NCKAP1: variants seen among roughly 807,000 people sequenced by gnomAD.
The protein encoded by NCKAP1 is NCK associated protein 1, also known as nck-associated protein 1.
Under a neutral mutation model 151.2 loss-of-function variants are expected in NCKAP1, and 21 were observed. The observed-to-expected ratio is 0.14, with a 90% CI of 0.10 to 0.20. NCKAP1 has a LOEUF of 0.20. Among genes scored for constraint, NCKAP1 ranks in the 10% least tolerant of loss-of-function variants. NCKAP1 has a pLI of 1.00. For synonymous variants in NCKAP1, 484 were observed against 451.8 expected (o/e 1.07, Z -0.90); for missense variants, 933 against 1,352.1 (o/e 0.69, Z 4.86).
intron 1 of NCKAP1, among the ~76,000 whole-genome samples, chr2:183,036,819 GAA>G (rs34581087): frequency 7.2e-6 from 1 of 138,402 alleles, no homozygotes. Flanking sequence ...AATTTCCAAA[GAA>G]AAAAAAAAAA....
At chr2:183,010,738 G>A (rs7584932) in intron 2 of NCKAP1, among the ~76,000 whole-genome samples, 8,789 of 152,178 alleles carry the variant, frequency 0.058, 858 homozygotes, top group African/African-American at 0.2. Context: ...ATTATATACC[G>A]TGGTATAGTG....
chr2:182,911,607 C>T lies in NCKAP1; in HGVS notation c.*14095G>A, dbSNP rs1696396328. On this transcript the variant is annotated 3_prime_UTR_variant, in exon 31 of 31. Transcript: ENST00000361354. Reference sequence around the variant, plus strand: ...ATTTCAGTCATCTATGAATGGCCATCATAATGATTTGAAACTAGCAAAGTT... The same window carrying T: ...ATTTCAGTCATCTATGAATGGCCATTATAATGATTTGAAACTAGCAAAGTT... The T allele has an allele frequency of 6.6e-6, 1 of 152,134 alleles. No individual in the cohort carries two copies. The highest frequency in any genetic ancestry group is 1.5e-5 in the Non-Finnish European group (1 of 68,030). 9.4% of individuals were successfully genotyped at this position (152,134 alleles called of 1,614,324 possible).
In NCKAP1 at chr2:182,952,453, T is replaced by C; in HGVS notation, c.2553A>G (p.Leu851=). ...ELLGPYGMKF[L]SESLMWHISS... ...AAATATGCCACATAAGGCTTTCACT[T>C]AGAAACTTCATACCATATGGGCCTA... Residue 851 remains leucine (L), a synonymous_variant, in exon 23 of 31, where the codon CTA becomes CTG. Transcript: ENST00000361354. The C allele has an allele frequency of 6.2e-7, 1 of 1,611,692 alleles. No homozygotes were observed. Among genetic ancestry groups the C allele is most frequent in the South Asian group, 1.1e-5 (1 of 90,478 alleles).
intron 24 of NCKAP1, among the ~76,000 whole-genome samples, chr2:182,936,985 CG>C (rs1404260814): frequency 6.6e-6 from 1 of 151,624 alleles, no homozygotes; most frequent in African/African-American, 2.4e-5. Flanking sequence ...CCTGGTGGCA[CG>C]TGCTTGTAGT....
At chr2:182,934,426 C>A (rs1696831203) in intron 26 of NCKAP1, 1 of 161,212 alleles carries the variant, frequency 6.2e-6, no homozygotes, top group Non-Finnish European at 1.3e-5. Context: ...GGATTACAGG[C>A]GTGAGCCACC....
rs1699144449 is a variant in NCKAP1, at chr2:183,038,178, G to A, written c.-79C>T. 3.9e-6 allele frequency: 4 copies of A among 1,026,338 alleles called. No homozygotes were observed. The highest frequency in any genetic ancestry group is 1.7e-5 in the African/African-American group (1 of 58,770). The allele number at this position is 1,026,338 out of a possible 1,614,324, so 63.6% of individuals were successfully genotyped here. On this transcript the variant is annotated 5_prime_UTR_variant, in exon 1 of 31. Transcript: ENST00000361354. ...CGCGGCCTTCGCAGCAGCCTCTCTC[G>A]GGCCTCCTCCCCTCCCGCCCGCGAC...
At chr2:182,951,004 T>C (rs1184803345) in intron 23 of NCKAP1, among the ~76,000 whole-genome samples, 3 of 152,084 alleles carry the variant, frequency 2.0e-5, no homozygotes, top group African/African-American at 7.2e-5. Context: ...AGCTAATTTT[T>C]GTATTTTCAG....
chr2:182,964,855 T>C, intron 16 of NCKAP1, 47 bp from the exon 17 acceptor site: 1 of 1,466,216 alleles, frequency 6.8e-7, no homozygotes, highest in Non-Finnish European at 9.3e-7. Context: ...TTAAAGTAAG[T>C]TTTCTGATAT....
intron 26 of NCKAP1, among the ~76,000 whole-genome samples, chr2:182,933,325 G>C (rs1256601272): frequency 6.6e-6 from 1 of 150,428 alleles, no homozygotes; most frequent in Non-Finnish European, 1.5e-5. Flanking sequence ...GAGTAAGAAA[G>C]AGAGTGAGAG....
At position 182,935,317 on chromosome 2, in the gene NCKAP1, T is replaced by G. The variant is rs1696851837; in HGVS notation, c.2754A>C (p.Ser918=). 4.4e-6 allele frequency: 7 copies of G among 1,591,952 alleles called. 1 individual carries two copies. In the East Asian group the frequency reaches 1.6e-4, roughly 37 times the overall value. Residue 918 remains serine, a synonymous_variant, in exon 25 of 31, where the codon TCA becomes TCC. Coordinates refer to ENST00000361354, the MANE Select transcript of NCKAP1 (RefSeq NM_013436.5). Reference sequence around the variant, plus strand: ...CATCTCTAAGTGCTTCTTGTGCCAATGATCGGAAGGATAAAATTACACCAA... The same window carrying G: ...CATCTCTAAGTGCTTCTTGTGCCAAGGATCGGAAGGATAAAATTACACCAA... The part of the protein sequence containing the change: ...TIIGVILSFR[S]LAQEALRDVL...
At chr2:183,019,128 C>G (rs1190051919) in intron 2 of NCKAP1, among the ~76,000 whole-genome samples, 1 of 152,122 alleles carries the variant, frequency 6.6e-6, no homozygotes, top group Non-Finnish European at 1.5e-5. Flanking sequence ...GCACTCTACT[C>G]GCCAGCAATG....
chr2:182,995,899 C>T, intron 6 of NCKAP1, 61 bp from the exon 7 acceptor site: 4 of 1,377,068 alleles, frequency 2.9e-6, no homozygotes, highest in South Asian at 1.2e-5. Context: ...GTTTACATTG[C>T]AGCTATAATT....
rs1298808360 is a variant in NCKAP1, at chr2:182,909,310, G to A, written c.*16392C>T. ...CATCATCCACTGTCAGAACTTTTTC[G>A]TCTTCCCCAACTGAAACTCTGTTCC... is the stretch of plus-strand genomic sequence containing the variant. On this transcript the variant is annotated 3_prime_UTR_variant, in exon 31 of 31. Transcript: ENST00000361354. The A allele has an allele frequency of 2.0e-5, 3 of 152,162 alleles. No individual in the cohort carries two copies. Among genetic ancestry groups the A allele is most frequent in the Middle Eastern group, 6.8e-3 (2 of 294 alleles). The allele number at this position is 152,162 out of a possible 1,614,324, so 9.4% of individuals were successfully genotyped here.
intron 15 of NCKAP1, among the ~76,000 whole-genome samples, chr2:182,972,224 C>CAAAAAAAAAAAAAAAAAAAA (rs56834438): frequency 1.5e-5 from 1 of 67,706 alleles, no homozygotes; most frequent in East Asian, 5.3e-4. Context: ...AGCTTAATAG[C>CAAAAAAAAAAAAAAAAAAAA]AAAAAAAAAA....
At chr2:182,946,527 C>T (rs1032366592) in intron 23 of NCKAP1, among the ~76,000 whole-genome samples, 2 of 151,738 alleles carry the variant, frequency 1.3e-5, no homozygotes, top group African/African-American at 4.8e-5. Context: ...AATCTGTGTG[C>T]CAAACCCATG....
intron 18 of NCKAP1, 59 bp downstream of exon 18, chr2:182,962,100 G>T: frequency 6.5e-7 from 1 of 1,535,038 alleles, no homozygotes; most frequent in East Asian, 2.3e-5. Flanking sequence ...CTGGCTAAAA[G>T]CACATTTTCT....
intron 10 of NCKAP1, among the ~76,000 whole-genome samples, chr2:182,985,289 A>T (rs1559093891): frequency 6.6e-6 from 1 of 152,192 alleles, no homozygotes; most frequent in Non-Finnish European, 1.5e-5. Context: ...CTGATAGATC[A>T]AATAATATTA....
intron 23 of NCKAP1, among the ~76,000 whole-genome samples, chr2:182,942,970 C>T (rs914150366): frequency 1.3e-5 from 2 of 152,114 alleles, no homozygotes; most frequent in East Asian, 1.9e-4. Flanking sequence ...GTTACCTGTG[C>T]GGTCTGCTTT....
intron 15 of NCKAP1, among the ~76,000 whole-genome samples, chr2:182,970,949 A>G (rs1022785202): frequency 3.9e-5 from 6 of 152,178 alleles, no homozygotes; most frequent in African/African-American, 1.4e-4. Context: ...TCCATGTGTC[A>G]ACAGCAAACA....
Sources: gnomAD v4.1 joint callset for allele counts (sites outside exome capture counted in the v4.1 genomes callset) on GRCh38, gnomAD v4.1.1 for gene constraint, MANE v1.5 for transcripts, NCBI Gene and HGNC (gene_info 2026-07-23, HGNC 2026-07-21) for gene names.